Variants in PIK3R3 observed in about 807,000 individuals in gnomAD.
PIK3R3 encodes phosphoinositide-3-kinase regulatory subunit 3, also known as phosphatidylinositol 3-kinase regulatory subunit gamma.
PIK3R3 carries 64 observed loss-of-function variants against 62.9 expected under a neutral mutation model. The observed-to-expected ratio is 1.02, with a 90% CI of 0.83 to 1.25. PIK3R3 has a LOEUF of 1.25. PIK3R3 is among the 50% of genes most tolerant of loss of function. PIK3R3 has a pLI of 0.00. For missense variants in PIK3R3, 614 were observed against 561.6 expected (o/e 1.09, Z -0.94); for synonymous variants, 165 against 189.0 (o/e 0.87, Z 1.04).
intron 2 of PIK3R3, among the ~76,000 whole-genome samples, 180 bp from the exon 3 acceptor site, chr1:46,077,793 C>A (rs1650207770): frequency 6.6e-6 from 1 of 152,114 alleles, no homozygotes; most frequent in Non-Finnish European, 1.5e-5. Flanking sequence ...TATGCTCTTT[C>A]TGTTTTGATT....
At chr1:46,074,286 C>CAAAAAAAAAAAAA (rs1179172400) in intron 3 of PIK3R3, among the ~76,000 whole-genome samples, 3 of 20,832 alleles carry the variant, frequency 1.4e-4, no homozygotes, top group African/African-American at 2.1e-4. Flanking sequence ...TAGACTCCGT[C>CAAAAAAAAAAAAA]AAAAAAAAAA....
At chr1:46,132,694 C>G (rs12738344), upstream of PIK3R3, 1 of 1,289,694 alleles carries the variant, frequency 7.8e-7, no homozygotes, top group Non-Finnish European at 1.0e-6. Context: ...CCCCATGCTG[C>G]CCACCCGCTG....
chr1:46,173,960 C>T, the PIK3R3 span, among the ~76,000 whole-genome samples: 5 of 152,148 alleles, frequency 3.3e-5, no homozygotes, highest in Non-Finnish European at 5.9e-5. Flanking sequence ...TGTCTGCATG[C>T]GTGTATGTCT....
intron 1 of PIK3R3, among the ~76,000 whole-genome samples, chr1:46,085,663 A>G (rs766971521): frequency 7.2e-5 from 11 of 152,228 alleles, no homozygotes; most frequent in Non-Finnish European, 1.5e-4. Flanking sequence ...TAAGCTTTTA[A>G]GTAGTTCAAA....
At chr1:46,052,311 G>C (rs1032017758) in intron 7 of PIK3R3, among the ~76,000 whole-genome samples, 1 of 152,074 alleles carries the variant, frequency 6.6e-6, no homozygotes, top group African/African-American at 2.4e-5. Flanking sequence ...CAAAACCGCA[G>C]TAAGCAAAAC....
the PIK3R3 span, among the ~76,000 whole-genome samples, chr1:46,147,254 C>T: frequency 6.6e-6 from 1 of 152,120 alleles, no homozygotes; most frequent in Non-Finnish European, 1.5e-5. Context: ...CAGGTGCCTG[C>T]CACAAGGCCC....
intron 1 of PIK3R3, among the ~76,000 whole-genome samples, chr1:46,129,174 G>T (rs1456088384): frequency 6.6e-6 from 1 of 151,894 alleles, no homozygotes; most frequent in Non-Finnish European, 1.5e-5. Flanking sequence ...GACACCAAAG[G>T]TATCTGACCT....
chr1:46,085,502 C>G (rs1650975772), intron 1 of PIK3R3, among the ~76,000 whole-genome samples: 1 of 152,136 alleles, frequency 6.6e-6, no homozygotes, highest in Non-Finnish European at 1.5e-5. Flanking sequence ...GAGTTGCTCC[C>G]CACCCTCCCA....
chr1:46,040,871 T>A lies in PIK3R3; in HGVS notation c.*2802A>T, dbSNP rs2149366912. ...AGATCAGTGGTAAGGACGCAGGCAGTCTATCCAGGCCCGAATCATGGCGTG... is the reference window on the plus strand; with the variant it reads ...AGATCAGTGGTAAGGACGCAGGCAGACTATCCAGGCCCGAATCATGGCGTG... On this transcript the variant is annotated 3_prime_UTR_variant, in exon 10 of 10. Transcript: ENST00000262741. The A allele has an allele frequency of 5.6e-6, 1 of 179,740 alleles. No homozygotes were observed. Among genetic ancestry groups the A allele is most frequent in the South Asian group, 2.0e-4 (1 of 5,060 alleles). 11.1% of individuals were successfully genotyped at this position (179,740 alleles called of 1,614,324 possible).
the PIK3R3 span, among the ~76,000 whole-genome samples, chr1:46,168,775 G>A: frequency 6.6e-6 from 1 of 152,284 alleles, no homozygotes; most frequent in South Asian, 2.1e-4. Context: ...CTGACAACTA[G>A]CTCCAGCTGG....
chr1:46,167,258 G>A, the PIK3R3 span, among the ~76,000 whole-genome samples: 2 of 152,266 alleles, frequency 1.3e-5, no homozygotes, highest in East Asian at 3.9e-4. Flanking sequence ...CACAGCAGCC[G>A]CGAGAAGGCT....
chr1:46,163,954 C>T, the PIK3R3 span, among the ~76,000 whole-genome samples: 1 of 152,178 alleles, frequency 6.6e-6, no homozygotes, highest in Non-Finnish European at 1.5e-5. Context: ...GCCTGGCTGA[C>T]CAGACCACAA....
At chr1:46,061,184 T>G (rs961860310) in intron 6 of PIK3R3, among the ~76,000 whole-genome samples, 2 of 152,220 alleles carry the variant, frequency 1.3e-5, no homozygotes, top group Non-Finnish European at 2.9e-5. Flanking sequence ...ACTCTCCTCA[T>G]GTACTTCTTA....
chr1:46,167,714 C>G, the PIK3R3 span, among the ~76,000 whole-genome samples: 1 of 152,336 alleles, frequency 6.6e-6, no homozygotes, highest in Non-Finnish European at 1.5e-5. Context: ...ACCTCAAGTC[C>G]TGGCCCTGGC....
At chr1:46,075,308 A>G (rs1267644397) in intron 3 of PIK3R3, among the ~76,000 whole-genome samples, 2 of 152,142 alleles carry the variant, frequency 1.3e-5, no homozygotes, top group Non-Finnish European at 1.5e-5. Context: ...AATTAAGGAA[A>G]CTCATCCTTA....
intron 1 of PIK3R3, among the ~76,000 whole-genome samples, chr1:46,127,474 C>G (rs2149476092): frequency 6.6e-6 from 1 of 151,688 alleles, no homozygotes; most frequent in Non-Finnish European, 1.5e-5. Flanking sequence ...TTACATTTTC[C>G]TAAAATGAAA....
At chr1:46,073,063 A>T (rs1440081799) in intron 3 of PIK3R3, among the ~76,000 whole-genome samples, 1 of 151,958 alleles carries the variant, frequency 6.6e-6, no homozygotes, top group African/African-American at 2.4e-5. Flanking sequence ...AAAATCCCCA[A>T]CCTCAGATAA....
intron 1 of PIK3R3, among the ~76,000 whole-genome samples, chr1:46,116,940 TA>T (rs1207673269): frequency 2.4e-4 from 37 of 152,212 alleles, no homozygotes; most frequent in African/African-American, 8.4e-4. Flanking sequence ...TATCTATCTA[TA>T]CTCAAGCACT....
the PIK3R3 span, among the ~76,000 whole-genome samples, chr1:46,171,807 G>T: frequency 6.6e-6 from 1 of 152,102 alleles, no homozygotes; most frequent in African/African-American, 2.4e-5. Flanking sequence ...AGGGCTTGGG[G>T]CAGAACCAAG....
Sources: gnomAD v4.1 joint callset for allele counts (sites outside exome capture counted in the v4.1 genomes callset) on GRCh38, gnomAD v4.1.1 for gene constraint, MANE v1.5 for transcripts, NCBI Gene and HGNC (gene_info 2026-07-23, HGNC 2026-07-21) for gene names.